The following BRINP1 variants were observed in gnomAD, a reference collection of about 807,000 sequenced individuals.
BRINP1 encodes the protein BMP/retinoic acid-inducible neural-specific protein 1.
Under a neutral mutation model 72.9 loss-of-function variants are expected in BRINP1, and 17 were observed. The observed-to-expected ratio is 0.23, with a 90% CI of 0.16 to 0.35. BRINP1 has a LOEUF of 0.35. BRINP1 is among the 10% of genes least tolerant of loss of function. The pLI, the probability that BRINP1 is intolerant of heterozygous loss-of-function variation, is 1.00. For synonymous variants in BRINP1, 418 were observed against 378.5 expected (o/e 1.10, Z -1.21); for missense variants, 850 against 1,001.6 (o/e 0.85, Z 2.04).
At chr9:119,184,803 C>A (rs1044354451) in intron 7 of BRINP1, among the ~76,000 whole-genome samples, 2 of 152,194 alleles carry the variant, frequency 1.3e-5, no homozygotes, top group African/African-American at 2.4e-5. Context: ...GAACCAGAAT[C>A]TTCCCCTTGA....
At chr9:119,247,853 T>C (rs781266249) in intron 3 of BRINP1, among the ~76,000 whole-genome samples, 1 of 152,152 alleles carries the variant, frequency 6.6e-6, no homozygotes, top group Non-Finnish European at 1.5e-5. Flanking sequence ...CTAAAGACAA[T>C]GTACAATGTC....
intron 7 of BRINP1, among the ~76,000 whole-genome samples, chr9:119,180,062 T>A (rs571734084): frequency 6.6e-6 from 1 of 152,288 alleles, no homozygotes; most frequent in East Asian, 1.9e-4. Context: ...TCAAGCAGAC[T>A]CCCTGCTGAT....
intron 1 of BRINP1, among the ~76,000 whole-genome samples, chr9:119,346,363 AT>A (rs1831452313): frequency 6.6e-6 from 1 of 152,164 alleles, no homozygotes; most frequent in Admixed American, 6.5e-5. Flanking sequence ...TGTAAAACCA[AT>A]TTTTTGGACC....
At chr9:119,321,661 G>T (rs1273858461) in intron 1 of BRINP1, among the ~76,000 whole-genome samples, 3 of 151,770 alleles carry the variant, frequency 2.0e-5, no homozygotes, top group Non-Finnish European at 4.4e-5. Context: ...TTTTTGTAGA[G>T]ACTAATTTTA....
chr9:119,198,893 G>T (rs147067374), intron 7 of BRINP1, among the ~76,000 whole-genome samples: 23,334 of 152,016 alleles, frequency 0.15, 2,162 homozygotes, highest in Admixed American at 0.25. Context: ...GGCTGGTCTT[G>T]AACTCCTGGC....
chr9:119,277,483 A>G (rs1283999368), intron 2 of BRINP1, among the ~76,000 whole-genome samples: 2 of 152,110 alleles, frequency 1.3e-5, no homozygotes, highest in Non-Finnish European at 2.9e-5. Context: ...ACACTATCAG[A>G]GCTTTATTTG....
chr9:119,322,434 G>C (rs1202552846), intron 1 of BRINP1, among the ~76,000 whole-genome samples: 2 of 152,308 alleles, frequency 1.3e-5, no homozygotes, highest in East Asian at 3.9e-4. Context: ...CACACAGAAT[G>C]CATTCTCTAA....
chr9:119,266,704 A>G (rs1830551435), intron 2 of BRINP1, among the ~76,000 whole-genome samples: 1 of 152,150 alleles, frequency 6.6e-6, no homozygotes, highest in Non-Finnish European at 1.5e-5. Flanking sequence ...CTCTGCTTCT[A>G]TGAATTCGAT....
intron 1 of BRINP1, among the ~76,000 whole-genome samples, chr9:119,350,129 C>T (rs1831492184): frequency 6.6e-6 from 1 of 152,150 alleles, no homozygotes; most frequent in Non-Finnish European, 1.5e-5. Flanking sequence ...AGGCTGGAAT[C>T]CTGCCTGTCA....
intron 7 of BRINP1, among the ~76,000 whole-genome samples, chr9:119,177,266 C>T (rs1229387286): frequency 6.6e-6 from 1 of 152,182 alleles, no homozygotes; most frequent in African/African-American, 2.4e-5. Context: ...CCAGTTTCTG[C>T]TTCGTGAGAC....
At chr9:119,198,477 A>T (rs910278761) in intron 7 of BRINP1, among the ~76,000 whole-genome samples, 20 of 152,202 alleles carry the variant, frequency 1.3e-4, no homozygotes, top group African/African-American at 4.8e-4. Context: ...TTGGTCTGTC[A>T]GACTAGAGAG....
Position 119,261,788 on chromosome 9 carries a change from T to C in BRINP1, c.219-12638A>G, listed in dbSNP as rs116023789. On this transcript the variant is annotated intron_variant, in intron 2 of 7. Transcript: ENST00000265922. ...TCTCTTCCTTCTTTCCTTCCTTCCT[T>C]CCTCCCTCCCTTCCTTTCCTTTCTT... Among the ~76,000 whole-genome samples the C allele has an allele frequency of 2.9e-3, 431 of 151,214 alleles. 2 individuals carry two copies. Among genetic ancestry groups the C allele is most frequent in the African/African-American group, 9.9e-3 (409 of 41,278 alleles).
At chr9:119,182,839 G>A (rs1829572397) in intron 7 of BRINP1, among the ~76,000 whole-genome samples, 1 of 152,096 alleles carries the variant, frequency 6.6e-6, no homozygotes, top group South Asian at 2.1e-4. Context: ...ATAACCAAAA[G>A]GGAAAATAGG....
chr9:119,226,625 A>G (rs912003431), intron 5 of BRINP1, among the ~76,000 whole-genome samples: 11 of 151,524 alleles, frequency 7.3e-5, no homozygotes, highest in African/African-American at 2.7e-4. Context: ...TTACAGTCAT[A>G]TACTCCTGGG....
rs75767044 is a variant in BRINP1 at position 119,241,669 on chromosome 9, G to A, written c.579+378C>T. 2.5e-4 allele frequency among the ~76,000 whole-genome samples: 38 copies of A among 152,224 alleles called. No individual in the cohort carries two copies. The East Asian group carries it at 6.8e-3, about 27-fold the overall frequency. On this transcript the variant is annotated intron_variant, in intron 4 of 7. Coordinates refer to ENST00000265922, the MANE Select transcript of BRINP1 (RefSeq NM_014618.3). ...AGATGTTTAAAATATTACTGAGCTA[G>A]GCATCAGTAATCTAATCGCTGCTAT...
intron 2 of BRINP1, among the ~76,000 whole-genome samples, chr9:119,311,262 A>AG (rs1831063787): frequency 6.6e-6 from 1 of 152,244 alleles, no homozygotes. Context: ...CTAGATGACC[A>AG]GGGGCCTAAC....
At chr9:119,282,867 A>G (rs1830726905) in intron 2 of BRINP1, 1 of 985,228 alleles carries the variant, frequency 1.0e-6, no homozygotes, top group Non-Finnish European at 1.2e-6. Context: ...ATTACCTCTT[A>G]CGGTTGCGCT....
At chr9:119,338,180 C>T (rs1283272571) in intron 1 of BRINP1, among the ~76,000 whole-genome samples, 2 of 152,036 alleles carry the variant, frequency 1.3e-5, no homozygotes, top group African/African-American at 2.4e-5. Flanking sequence ...CACCAATCTC[C>T]AATCTCTAAG....
At chr9:119,228,133 C>A (rs569402993) in intron 5 of BRINP1, among the ~76,000 whole-genome samples, 2 of 151,850 alleles carry the variant, frequency 1.3e-5, no homozygotes, top group Non-Finnish European at 2.9e-5. Context: ...CCCTCTACCC[C>A]CTTCTTCACT....
Sources: allele counts gnomAD v4.1 joint callset (sites outside exome capture counted in the v4.1 genomes callset), GRCh38; gene constraint gnomAD v4.1.1; transcripts MANE v1.5; gene names NCBI Gene and HGNC (gene_info 2026-07-23, HGNC 2026-07-21).